Variants in CD163 observed in about 807,000 individuals in gnomAD.
The protein encoded by CD163 is CD163 molecule.
Under a neutral mutation model 129.2 loss-of-function variants are expected in CD163, and 64 were observed. The observed-to-expected ratio is 0.50, with a 90% CI of 0.41 to 0.61. CD163 has a LOEUF of 0.61. CD163 is among the 20% of genes least tolerant of loss of function. CD163 has a pLI of 0.00. For synonymous variants in CD163, 446 were observed against 478.5 expected, an observed-to-expected ratio of 0.93 and a Z score of 0.89; for missense variants, 1,061 against 1,377.9, an observed-to-expected ratio of 0.77 and a Z score of 3.64.
At chr12:7,502,782 G>T in intron 1 of CD163, 1 of 580,096 alleles carries the variant, frequency 1.7e-6, no homozygotes, top group South Asian at 2.3e-5. Flanking sequence ...ACCTAGAGGT[G>T]ACGGATTAGC....
At chr12:7,499,286 C>T (rs1949445937) in intron 3 of CD163, 98 bp from the exon 4 acceptor site, 3 of 1,057,422 alleles carry the variant, frequency 2.8e-6, no homozygotes, top group Non-Finnish European at 4.1e-6. Context: ...TTATGTTGTC[C>T]TTAAAATGGT....
Position 7,483,532 on chromosome 12 carries a change from C to G in CD163, c.2923G>C (p.Ala975Pro). Residue 975 changes from alanine to proline, a missense_variant, in exon 12 of 17, where the codon GCT (alanine) becomes CCT (proline). Coordinates refer to ENST00000432237, the MANE Select transcript of CD163 (RefSeq NM_203416.4). The part of the protein sequence containing the change: ...VVCQQLGCGP[A>P]LKAFKEAEFG... ...TCTGCTTCTTTGAATGCTTTCAAAG[C>G]TGGACCACAGCCAAGTTGTTGACAC... 6.2e-7 allele frequency: 1 copy of G among 1,614,000 alleles called. No homozygotes were observed.
chr12:7,497,289 T>C (rs900709155), intron 4 of CD163, among the ~76,000 whole-genome samples, 156 bp from the exon 5 acceptor site: 1 of 149,428 alleles, frequency 6.7e-6, no homozygotes, highest in Non-Finnish European at 1.5e-5. Context: ...TCATTCAAGA[T>C]GGAAGGAGGA....
In CD163 at chr12:7,498,995, G is replaced by T; in HGVS notation, c.651C>A (p.Gly217=). Residue 217 remains glycine, a synonymous_variant, in exon 4 of 17, where the codon GGC becomes GGA. Coordinates refer to ENST00000432237, the MANE Select transcript of CD163 (RefSeq NM_203416.4). ...GATCATCAAACCAGATTGGTCCAGAGCCTTCTCCAAAATTAGATGAACCAG... is the reference window on the plus strand; with the variant it reads ...GATCATCAAACCAGATTGGTCCAGATCCTTCTCCAAAATTAGATGAACCAG... ...SFSGSSNFGE[G]SGPIWFDDLI... is the part of the protein sequence containing the mutation. The T allele has an allele frequency of 6.2e-7, 1 of 1,614,084 alleles. No homozygotes were observed. Among genetic ancestry groups the T allele is most frequent in the Non-Finnish European group, 8.5e-7 (1 of 1,180,012 alleles).
In CD163 at chr12:7,487,646, C is replaced by A; in HGVS notation, c.1763G>T (p.Gly588Val). 1 of 1,614,146 alleles carries A rather than the reference C, an allele frequency of 6.2e-7. No individual in the cohort carries two copies. Residue 588 changes from glycine to valine, a missense_variant, in exon 8 of 17, where the codon GGC (glycine) becomes GTC (valine). Transcript: ENST00000432237. This position sits in a 1 kb window ranked among gnomAD's most constrained non-coding sequence, Gnocchi z 5.1. ...SRYTEIRLVN[G>V]KTPCEGRVEL... ...CACTCTGCCCTCACACGGGGTCTTG[C>A]CATTCACCAAGCGAATTTCTGTGTA...
At chr12:7,472,605 T>A (rs1004764308) in intron 16 of CD163, among the ~76,000 whole-genome samples, 2 of 152,132 alleles carry the variant, frequency 1.3e-5, no homozygotes, top group Non-Finnish European at 2.9e-5. Flanking sequence ...GATAAATCGA[T>A]GAAGATGAGG....
At chr12:7,497,823 T>TA (rs1299949366) in intron 4 of CD163, among the ~76,000 whole-genome samples, 1 of 152,164 alleles carries the variant, frequency 6.6e-6, no homozygotes, top group Non-Finnish European at 1.5e-5. Flanking sequence ...TGTTGATGGG[T>TA]AAAAGAGAAT....
chr12:7,472,838 A>C (rs1419228358), intron 16 of CD163, among the ~76,000 whole-genome samples: 1 of 152,226 alleles, frequency 6.6e-6, no homozygotes, highest in Non-Finnish European at 1.5e-5. Flanking sequence ...TAAAGGTTAC[A>C]GGAACTGCTA....
In CD163 at chr12:7,495,405, C is replaced by T. The variant is rs772628003; in HGVS notation, c.1100-4G>A. On this transcript the variant is annotated splice_region_variant and splice_polypyrimidine_tract_variant and intron_variant, in intron 5 of 16. Transcript: ENST00000432237. Reference sequence around the variant, plus strand: ...CTTAGCTCCAGATCTGATCCATCTGCAAAAGAAACATAAACTTAAACCATC... The same window carrying T: ...CTTAGCTCCAGATCTGATCCATCTGTAAAAGAAACATAAACTTAAACCATC... 1 of 1,611,350 alleles carries T rather than the reference C, an allele frequency of 6.2e-7. No homozygotes were observed. The highest frequency in any genetic ancestry group is 1.1e-5 in the South Asian group (1 of 91,046).
In CD163 at chr12:7,495,281, G is replaced by T; in HGVS notation, c.1220C>A (p.Ala407Asp). The part of the protein sequence containing the change: ...VCDRGWGLKE[A>D]DVVCRQLGCG... The stretch of plus-strand genomic sequence containing the variant: ...TCCCAGCTGCCTGCAAACCACATCA[G>T]CTTCTTTCAGTCCCCAGCCTCTGTC... Residue 407 changes from alanine to aspartate, a missense_variant, in exon 6 of 17, where the codon GCT becomes GAT. Physicochemically the swap from Ala to Asp is moderately radical, Grantham distance 126 (BLOSUM62 -2). Transcript: ENST00000432237. 6.2e-7 allele frequency: 1 copy of T among 1,614,096 alleles called. No homozygotes were observed. The highest frequency in any genetic ancestry group is 8.5e-7 in the Non-Finnish European group (1 of 1,179,974).
At position 7,496,333 on chromosome 12, in the gene CD163, G is replaced by T. The variant is rs764397204; in HGVS notation, c.1099+480C>A. 8.6e-5 allele frequency among the ~76,000 whole-genome samples: 13 copies of T among 152,042 alleles called. No homozygotes were observed. The highest frequency in any genetic ancestry group is 2.2e-4 in the African/African-American group (9 of 41,452). On this transcript the variant is annotated intron_variant, in intron 5 of 16. Coordinates refer to ENST00000432237, the MANE Select transcript of CD163 (RefSeq NM_203416.4). The surrounding 1 kb of genome is among the most constrained non-coding windows in gnomAD (Gnocchi z 4.8). ...CACACACTGGGGCCTGTCAATGGGT[G>T]GGGGGAAAGGGGAGGGAGAGCATTA... is the stretch of plus-strand genomic sequence containing the variant.
chr12:7,483,841 A>ATATATATATTTTT (rs1442991429), intron 11 of CD163, 166 bp from the exon 12 acceptor site: 1 of 110,030 alleles, frequency 9.1e-6, no homozygotes, highest in African/African-American at 3.8e-5. Flanking sequence ...ATATATATAT[A>ATATATATATTTTT]TTTTTTTTTT....
At chr12:7,479,579 C>T (rs1227020590) in intron 16 of CD163, among the ~76,000 whole-genome samples, 1 of 151,980 alleles carries the variant, frequency 6.6e-6, no homozygotes, top group Non-Finnish European at 1.5e-5. Flanking sequence ...GAAATGATAC[C>T]TGTAATGTCT....
intron 16 of CD163, among the ~76,000 whole-genome samples, chr12:7,475,115 A>AG (rs1169186689): frequency 6.7e-6 from 1 of 150,274 alleles, no homozygotes. Context: ...AAAAAAAAAA[A>AG]AAACCATGAC....
Position 7,486,648 on chromosome 12 carries a change from C to A in CD163, c.2309G>T (p.Gly770Val), listed in dbSNP as rs775333514. The change falls in exon 10 of 17, where the codon GGT becomes GTT. Residue 770 changes from glycine (G) to valine (V), a missense_variant. Coordinates refer to ENST00000432237, the MANE Select transcript of CD163 (RefSeq NM_203416.4). ...LGCGEAINATGSAHFGEGTGP... is the reference protein window; with the variant it reads ...LGCGEAINATVSAHFGEGTGP... ...TGTTCCTTCCCCAAAATGAGCAGAA[C>A]CAGTGGCATTAATGGCCTCTCCACA... The A allele has an allele frequency of 1.9e-6, 3 of 1,614,066 alleles. 1 individual carries two copies. In the South Asian group the frequency reaches 3.3e-5, roughly 18 times the overall value.
chr12:7,501,005 G>T, intron 3 of CD163, 134 bp downstream of exon 3: 1 of 710,322 alleles, frequency 1.4e-6, no homozygotes, highest in Non-Finnish European at 2.4e-6. Flanking sequence ...TGGTTTTCTA[G>T]CAATGGATGG....
chr12:7,501,074 C>T, intron 3 of CD163, 65 bp downstream of exon 3: 4 of 1,391,080 alleles, frequency 2.9e-6, no homozygotes, highest in Non-Finnish European at 4.0e-6. Context: ...TAGGTTTTAA[C>T]CCATCTACAT....
intron 15 of CD163, 124 bp from the exon 16 acceptor site, chr12:7,480,037 T>C (rs747576509): frequency 1.9e-6 from 3 of 1,582,656 alleles, no homozygotes; most frequent in Non-Finnish European, 2.6e-6. Flanking sequence ...AAACCAGACC[T>C]CTTCTCACGT....
rs768204023 is a variant in CD163 at position 7,483,486 on chromosome 12, G to A, written c.2969C>T (p.Pro990Leu). 4 of 1,613,874 alleles carry A rather than the reference G, an allele frequency of 2.5e-6. No individual in the cohort carries two copies. The highest frequency in any genetic ancestry group is 1.1e-5 in the South Asian group (1 of 91,076). Residue 990 changes from proline to leucine, a missense_variant, in exon 12 of 17, where the codon CCG becomes CTG. Pro to Leu is a moderately conservative substitution (Grantham distance 98). Transcript: ENST00000432237. ...KEAEFGQGTG[P>L]IWLNEVKCKG... ...GCACTTCACTTCATTGAGCCATATC[G>A]GTCCAGTCCCCTGACCAAACTCTGC...
Sources: allele counts gnomAD v4.1 joint callset (sites outside exome capture counted in the v4.1 genomes callset), GRCh38; gene constraint gnomAD v4.1.1; non-coding constraint Gnocchi (gnomAD v3.1); transcripts MANE v1.5; gene names NCBI Gene and HGNC (gene_info 2026-07-23, HGNC 2026-07-21).